Variants in ADARB2 observed in about 807,000 individuals in gnomAD.
ADARB2 encodes adenosine deaminase RNA specific B2 (inactive).
ADARB2 carries 25 observed loss-of-function variants against 62.2 expected under a neutral mutation model. The ratio of observed to expected loss-of-function variants is 0.40; its 90% CI spans 0.29 to 0.56. The LOEUF is 0.56. Among genes scored for constraint, ADARB2 ranks in the 20% least tolerant of loss-of-function variants. The probability of loss-of-function intolerance (pLI) is 0.43; values close to 1 mark genes in which losing one functional copy is unlikely to be tolerated. For synonymous variants in ADARB2, 572 were observed against 500.8 expected (o/e 1.14, Z -1.90); for missense variants, 1,071 against 1,077.4 (o/e 0.99, Z 0.08).
In ADARB2 at chr10:1,704,162, G is replaced by C. The variant is rs554902153; in HGVS notation, c.100+32889C>G. ...ACCTTTCTGGCACCAGGGATGGCTG[G>C]TTTTGTGGAAGACAATTTTTCCATG... is the stretch of plus-strand genomic sequence containing the variant. On this transcript the variant is annotated intron_variant, in intron 1 of 9. Coordinates refer to ENST00000381312, the MANE Select transcript of ADARB2 (RefSeq NM_018702.4). The surrounding 1 kb of genome is among the most constrained non-coding windows in gnomAD (Gnocchi z 5.6). 9.2e-5 allele frequency among the ~76,000 whole-genome samples: 14 copies of C among 152,324 alleles called. 1 individual carries two copies. The South Asian group carries it at 2.9e-3, about 32-fold the overall frequency.
At chr10:1,396,034 C>G (rs1331813920) in intron 1 of ADARB2, among the ~76,000 whole-genome samples, 2 of 152,202 alleles carry the variant, frequency 1.3e-5, no homozygotes, top group Non-Finnish European at 2.9e-5. Flanking sequence ...GGTCCAAATG[C>G]GGGCCATTTC....
chr10:1,697,557 C>A (rs375696540), intron 1 of ADARB2, among the ~76,000 whole-genome samples: 2 of 152,172 alleles, frequency 1.3e-5, no homozygotes, highest in East Asian at 3.8e-4. Flanking sequence ...CAGCAAAACT[C>A]CAAAAGAAGC....
chr10:1,510,087 C>CT (rs1386798382), intron 1 of ADARB2, among the ~76,000 whole-genome samples: 1 of 146,450 alleles, frequency 6.8e-6, no homozygotes, highest in Admixed American at 7.1e-5. Flanking sequence ...CTCTTTCTCT[C>CT]TCTCTCTCTT....
At chr10:1,463,964 G>A (rs934557799) in intron 1 of ADARB2, among the ~76,000 whole-genome samples, 1 of 152,222 alleles carries the variant, frequency 6.6e-6, no homozygotes, top group African/African-American at 2.4e-5. Context: ...AAGCGCAAAC[G>A]CAAACCCCCA....
intron 6 of ADARB2, among the ~76,000 whole-genome samples, chr10:1,219,193 A>G (rs138588841): frequency 1.4e-3 from 217 of 152,258 alleles, no homozygotes; most frequent in African/African-American, 5.1e-3. Context: ...CTTCCTGTAT[A>G]GCCTGTGGAA....
intron 1 of ADARB2, among the ~76,000 whole-genome samples, chr10:1,474,218 G>A (rs1338985304): frequency 6.6e-6 from 1 of 152,218 alleles, no homozygotes; most frequent in Non-Finnish European, 1.5e-5. Flanking sequence ...TGGACACCCT[G>A]CTCCTTCCTC....
intron 1 of ADARB2, among the ~76,000 whole-genome samples, chr10:1,384,333 T>C (rs1179964118): frequency 6.6e-6 from 1 of 152,200 alleles, no homozygotes; most frequent in Non-Finnish European, 1.5e-5. Context: ...TTCTGATCTA[T>C]TGAAACCAAA....
chr10:1,388,332 T>C (rs1832541109), intron 1 of ADARB2, among the ~76,000 whole-genome samples: 1 of 152,182 alleles, frequency 6.6e-6, no homozygotes, highest in Admixed American at 6.5e-5. Context: ...AAGGCAGGGA[T>C]GTCTGCCTTC....
At chr10:1,507,722 C>G (rs148395764) in intron 1 of ADARB2, among the ~76,000 whole-genome samples, 2 of 152,176 alleles carry the variant, frequency 1.3e-5, no homozygotes, top group African/African-American at 2.4e-5. Context: ...GGGTTTCCCC[C>G]GCTTGTTGTG....
At chr10:1,334,636 C>T (rs779597379) in intron 3 of ADARB2, among the ~76,000 whole-genome samples, 9 of 152,126 alleles carry the variant, frequency 5.9e-5, no homozygotes, top group Admixed American at 3.3e-4. Flanking sequence ...ATTGCAAGGC[C>T]GATTATTTTC....
At chr10:1,609,997 T>A (rs1833547251) in intron 1 of ADARB2, among the ~76,000 whole-genome samples, 1 of 152,218 alleles carries the variant, frequency 6.6e-6, no homozygotes, top group South Asian at 2.1e-4. Flanking sequence ...TAAGCAAAGG[T>A]GCCCAGAGAC....
intron 6 of ADARB2, among the ~76,000 whole-genome samples, chr10:1,225,905 G>A (rs547112177): frequency 2.2e-3 from 339 of 152,002 alleles, no homozygotes; most frequent in African/African-American, 7.6e-3. Context: ...TGCTCTTCTC[G>A]AGGAGTATCT....
chr10:1,314,292 G>T (rs181952432), intron 3 of ADARB2, among the ~76,000 whole-genome samples: 2 of 152,050 alleles, frequency 1.3e-5, no homozygotes, highest in Non-Finnish European at 2.9e-5. Flanking sequence ...ATCTCCCCTC[G>T]CAGGTCACCA....
intron 2 of ADARB2, among the ~76,000 whole-genome samples, chr10:1,375,541 A>G (rs1204822264): frequency 1.3e-5 from 2 of 152,236 alleles, no homozygotes; most frequent in Non-Finnish European, 2.9e-5. Flanking sequence ...GGCATCCAGC[A>G]TCCACAGGGA....
rs1394549692 is a variant in ADARB2 at position 1,398,001 on chromosome 10, C to T, written c.101-18841G>A. ...CCCGAGTGCAGGCTTCCTGGGTCAC[C>T]GTCCTCCTCTCCCCTCCCGAGTGCA... On this transcript the variant is annotated intron_variant, in intron 1 of 9. Coordinates refer to ENST00000381312, the MANE Select transcript of ADARB2 (RefSeq NM_018702.4). The surrounding 1 kb of genome is among the most constrained non-coding windows in gnomAD (Gnocchi z 4.1). Among the ~76,000 whole-genome samples the T allele has an allele frequency of 7.7e-6, 1 of 129,414 alleles. No homozygotes were observed. The highest frequency in any genetic ancestry group is 7.5e-5 in the Admixed American group (1 of 13,362). 84.9% of individuals were successfully genotyped at this position (129,414 alleles called of 152,430 possible). A position where few individuals can be genotyped will look rare whatever the true frequency, so the allele number is the denominator to read the frequency against.
chr10:1,182,898 T>C lies in ADARB2; in HGVS notation c.*295A>G. The stretch of plus-strand genomic sequence containing the variant: ...CGGTGCCTCCTTCCAAGGCTGCAGC[T>C]AAAACCCCTTTGCCTGAATGGAGCC... On this transcript the variant is annotated 3_prime_UTR_variant, in exon 10 of 10. Transcript: ENST00000381312. The C allele has an allele frequency of 2.9e-6, 1 of 343,398 alleles. No homozygotes were observed. The highest frequency in any genetic ancestry group is 5.4e-6 in the Non-Finnish European group (1 of 184,870). The allele number at this position is 343,398 out of a possible 1,614,324, so 21.3% of individuals were successfully genotyped here. A position where few individuals can be genotyped will look rare whatever the true frequency, so the allele number is the denominator to read the frequency against.
intron 3 of ADARB2, among the ~76,000 whole-genome samples, chr10:1,352,230 A>C (rs56794714): frequency 0.54 from 82,312 of 151,064 alleles, 22,894 homozygotes; most frequent in Middle Eastern, 0.6. Context: ...TCTCAAACCC[A>C]AGCACCTTCT....
chr10:1,545,974 CT>C (rs2131973126), intron 1 of ADARB2, among the ~76,000 whole-genome samples: 1 of 151,916 alleles, frequency 6.6e-6, no homozygotes, highest in African/African-American at 2.4e-5. Flanking sequence ...TTTGCTTTAT[CT>C]GAGTTTCTTC....
Position 1,446,911 on chromosome 10 carries a change from A to G in ADARB2, c.101-67751T>C, listed in dbSNP as rs370104651. Reference sequence around the variant, plus strand: ...GGCCTCAGAGGGTTTCGACCTACGCAATTGTCAAGGGTTTATTTCATTCTT... The same window carrying G: ...GGCCTCAGAGGGTTTCGACCTACGCGATTGTCAAGGGTTTATTTCATTCTT... On this transcript the variant is annotated intron_variant, in intron 1 of 9. Transcript: ENST00000381312. Among the ~76,000 whole-genome samples the G allele has an allele frequency of 2.6e-5, 4 of 152,154 alleles. No individual in the cohort carries two copies. In the South Asian group the frequency reaches 8.3e-4, roughly 32 times the overall value.
Sources: allele counts gnomAD v4.1 joint callset (sites outside exome capture counted in the v4.1 genomes callset), GRCh38; gene constraint gnomAD v4.1.1; non-coding constraint Gnocchi (gnomAD v3.1); transcripts MANE v1.5; gene names NCBI Gene and HGNC (gene_info 2026-07-23, HGNC 2026-07-21).